Variants in GRIA4 observed in about 807,000 individuals in gnomAD.
The protein encoded by GRIA4 is glutamate receptor 4.
A neutral mutation model predicts 104.0 loss-of-function variants in GRIA4; 34 were observed. The ratio of observed to expected loss-of-function variants is 0.33; its 90% CI spans 0.25 to 0.44. GRIA4 has a LOEUF of 0.44. Ranked by LOEUF, GRIA4 falls within the 20% of genes least tolerant of loss-of-function variation. GRIA4 has a pLI of 1.00. For synonymous variants in GRIA4, 386 were observed against 381.9 expected, an observed-to-expected ratio of 1.01 and a Z score of -0.13; for missense variants, 750 against 1,096.5, an observed-to-expected ratio of 0.68 and a Z score of 4.46.
In GRIA4 at chr11:105,844,000, T is replaced by G. The variant is rs900468198; in HGVS notation, c.488-18024T>G. Among the ~76,000 whole-genome samples, 92 of 152,044 alleles carry G rather than the reference T, an allele frequency of 6.1e-4. 2 individuals are homozygous for G. Among genetic ancestry groups the G allele is most frequent in the Non-Finnish European group, 1.2e-4 (8 of 68,002 alleles). On this transcript the variant is annotated intron_variant, in intron 4 of 16. Transcript: ENST00000282499. ...TTATTTATCTCTGTTTTCTAAGACA[T>G]AGCCTGGTAACTGGCTCCTGCATCT...
At chr11:105,874,189 CTTGTTT>C (rs1421987742) in intron 5 of GRIA4, among the ~76,000 whole-genome samples, 3 of 152,072 alleles carry the variant, frequency 2.0e-5, no homozygotes, top group African/African-American at 7.2e-5. Flanking sequence ...TTCCCCATTG[CTTGTTT>C]TTGTAAGGTT....
intron 6 of GRIA4, among the ~76,000 whole-genome samples, chr11:105,894,931 C>T (rs563501343): frequency 1.4e-5 from 2 of 138,348 alleles, no homozygotes; most frequent in African/African-American, 5.4e-5. Flanking sequence ...TCCCGAGTAG[C>T]TGGGACTACA....
intron 3 of GRIA4, among the ~76,000 whole-genome samples, chr11:105,711,384 C>A (rs1222484436): frequency 6.6e-6 from 1 of 151,672 alleles, no homozygotes; most frequent in Non-Finnish European, 1.5e-5. Context: ...ATGTAACAAA[C>A]CTGCACGCTG....
At chr11:105,859,944 G>A (rs540585476) in intron 4 of GRIA4, among the ~76,000 whole-genome samples, 24 of 152,176 alleles carry the variant, frequency 1.6e-4, no homozygotes, top group Admixed American at 8.5e-4. Flanking sequence ...TATATATTAA[G>A]GAAGGTTTCA....
At chr11:105,944,903 G>C (rs1232578298) in intron 14 of GRIA4, among the ~76,000 whole-genome samples, 1 of 152,076 alleles carries the variant, frequency 6.6e-6, no homozygotes, top group African/African-American at 2.4e-5. Flanking sequence ...AAAAATACAA[G>C]CACATAGTGT....
At chr11:105,729,287 C>T (rs1938427821) in intron 3 of GRIA4, among the ~76,000 whole-genome samples, 1 of 152,074 alleles carries the variant, frequency 6.6e-6, no homozygotes, top group African/African-American at 2.4e-5. Flanking sequence ...TATACACCCT[C>T]CCAAGACTAA....
intron 3 of GRIA4, among the ~76,000 whole-genome samples, chr11:105,687,358 A>G (rs1360779735): frequency 2.0e-5 from 3 of 152,188 alleles, no homozygotes; most frequent in Non-Finnish European, 4.4e-5. Context: ...TATTATTATT[A>G]TTAAATTGCC....
At chr11:105,876,028 A>G (rs1339123464) in intron 5 of GRIA4, among the ~76,000 whole-genome samples, 1 of 151,842 alleles carries the variant, frequency 6.6e-6, no homozygotes, top group Non-Finnish European at 1.5e-5. Context: ...TTAGATCTTT[A>G]CTGCTTTCTC....
chr11:105,857,490 G>C (rs1464993752), intron 4 of GRIA4, among the ~76,000 whole-genome samples: 1 of 152,080 alleles, frequency 6.6e-6, no homozygotes, highest in Non-Finnish European at 1.5e-5. Context: ...CCCCCCATGG[G>C]ACAGACCTAG....
chr11:105,810,231 C>T (rs1165914463), intron 4 of GRIA4, among the ~76,000 whole-genome samples: 1 of 152,182 alleles, frequency 6.6e-6, no homozygotes, highest in African/African-American at 2.4e-5. Flanking sequence ...TATTAATTTT[C>T]TACCTGCAAT....
At chr11:105,881,432 C>T (rs1403871708) in intron 5 of GRIA4, among the ~76,000 whole-genome samples, 2 of 152,144 alleles carry the variant, frequency 1.3e-5, no homozygotes, top group Non-Finnish European at 2.9e-5. Context: ...TTGATAGTGT[C>T]TATTATGGTG....
At chr11:105,918,589 C>A (rs1947473580) in intron 10 of GRIA4, 123 bp from the exon 11 acceptor site, 1 of 596,254 alleles carries the variant, frequency 1.7e-6, no homozygotes. Context: ...CTAGCTACAC[C>A]AAATCAGTAT....
intron 3 of GRIA4, among the ~76,000 whole-genome samples, chr11:105,661,991 C>A (rs116993074): frequency 0.014 from 1,191 of 82,336 alleles, 18 homozygotes; most frequent in East Asian, 0.085. Flanking sequence ...ATGAAGAAAA[C>A]TGTGTGTGTG....
At chr11:105,807,431 T>C (rs1591287751) in intron 4 of GRIA4, among the ~76,000 whole-genome samples, 1 of 151,900 alleles carries the variant, frequency 6.6e-6, no homozygotes, top group Non-Finnish European at 1.5e-5. Context: ...ATTTTGAACT[T>C]ACACATTTAG....
intron 3 of GRIA4, among the ~76,000 whole-genome samples, chr11:105,723,050 A>G (rs983903592): frequency 2.1e-4 from 32 of 152,242 alleles, no homozygotes; most frequent in Non-Finnish European, 4.0e-4. Flanking sequence ...GAAGAACACA[A>G]CTGGACCTTG....
intron 4 of GRIA4, among the ~76,000 whole-genome samples, chr11:105,825,653 C>A (rs2135916192): frequency 6.6e-6 from 1 of 152,092 alleles, no homozygotes; most frequent in Middle Eastern, 3.4e-3. Flanking sequence ...ATCTCCAAAC[C>A]CCTTAGGGGT....
chr11:105,720,203 T>A (rs900640343), intron 3 of GRIA4, among the ~76,000 whole-genome samples: 3 of 151,912 alleles, frequency 2.0e-5, no homozygotes, highest in African/African-American at 7.3e-5. Context: ...AATTTCATGT[T>A]TTTTTTCTGG....
intron 10 of GRIA4, among the ~76,000 whole-genome samples, chr11:105,913,812 C>T (rs1381444471): frequency 2.6e-5 from 4 of 152,134 alleles, no homozygotes; most frequent in African/African-American, 9.6e-5. Flanking sequence ...ATTTTCTTAC[C>T]ATCTCATGAA....
intron 4 of GRIA4, among the ~76,000 whole-genome samples, chr11:105,772,083 A>G (rs7115196): frequency 0.56 from 84,482 of 151,920 alleles, 23,814 homozygotes; most frequent in African/African-American, 0.65. Context: ...TTGCTAATGC[A>G]GTGAGCTCAA....
Sources: gnomAD v4.1 joint callset for allele counts (sites outside exome capture counted in the v4.1 genomes callset) on GRCh38, gnomAD v4.1.1 for gene constraint, MANE v1.5 for transcripts, NCBI Gene and HGNC (gene_info 2026-07-23, HGNC 2026-07-21) for gene names.